Variants in SDF4 observed in about 807,000 individuals in gnomAD.
SDF4 encodes 45 kDa calcium-binding protein.
A neutral mutation model predicts 34.2 loss-of-function variants in SDF4; 22 were observed. The ratio of observed to expected loss-of-function variants is 0.64; its 90% confidence interval spans 0.46 to 0.92. The LOEUF (loss-of-function observed/expected upper bound fraction) is 0.92, where lower values mean the gene tolerates loss of function less well. SDF4 is among the 40% of genes least tolerant of loss of function. The pLI is 0.00. For missense variants in SDF4, 447 were observed against 499.9 expected (o/e 0.89, Z 1.01); for synonymous variants, 236 against 203.1 (o/e 1.16, Z -1.38).
Position 1,218,692 on chromosome 1 carries a change from C to A in SDF4, c.716-59G>T, listed in dbSNP as rs1379153613. On this transcript the variant is annotated intron_variant, in intron 5 of 6. Coordinates refer to ENST00000360001, the MANE Select transcript of SDF4 (RefSeq NM_016176.6). This position sits in a 1 kb window ranked among gnomAD's most constrained non-coding sequence, Gnocchi z 7.9. ...GCTGGGGCTCCCGCAGGACCTGCCC[C>A]GACCTCCCGACGATGCCCGGCCCCT... The A allele has an allele frequency of 6.2e-7, 1 of 1,611,490 alleles. No individual in the cohort carries two copies. The highest frequency in any genetic ancestry group is 2.2e-5 in the East Asian group (1 of 44,830).
chr1:1,229,487 C>G (rs1460235020), intron 1 of SDF4, among the ~76,000 whole-genome samples: 4 of 152,254 alleles, frequency 2.6e-5, no homozygotes, highest in Admixed American at 2.0e-4. Flanking sequence ...GCTGGGATTA[C>G]AGGCGTGAGC....
At chr1:1,219,294 C>T in intron 4 of SDF4, 4 of 1,179,636 alleles carry the variant, frequency 3.4e-6, no homozygotes, top group Middle Eastern at 3.9e-4. Context: ...GGACCCCCCA[C>T]ACAGCCCAGA....
chr1:1,219,958 G>A, intron 4 of SDF4: 10 of 985,708 alleles, frequency 1.0e-5, no homozygotes, highest in Non-Finnish European at 1.2e-5. Context: ...TTCACTTAAA[G>A]GAAGACAGGA....
rs1044626657 is a variant in SDF4 at position 1,218,972 on chromosome 1, G to A, written c.557-45C>T. 6.2e-7 allele frequency: 1 copy of A among 1,612,432 alleles called. No individual in the cohort carries two copies. The highest frequency in any genetic ancestry group is 1.3e-5 in the African/African-American group (1 of 74,906). ...TGGGTATCGAGGCCGACAGACGCCA[G>A]CACGCAAATCCAGAAAGTTCCGAGA... On this transcript the variant is annotated intron_variant, in intron 4 of 6. Coordinates refer to ENST00000360001, the MANE Select transcript of SDF4 (RefSeq NM_016176.6). The surrounding 1 kb of genome is among the most constrained non-coding windows in gnomAD (Gnocchi z 7.9).
At chr1:1,227,107 G>A (rs573256595) in intron 2 of SDF4, among the ~76,000 whole-genome samples, 107 of 152,242 alleles carry the variant, frequency 7.0e-4, no homozygotes, top group African/African-American at 2.4e-3. Context: ...CCTGTGCTCC[G>A]CCCGAAAGCC....
At chr1:1,221,857 G>A (rs1165021511) in intron 4 of SDF4, among the ~76,000 whole-genome samples, 4 of 152,186 alleles carry the variant, frequency 2.6e-5, no homozygotes, top group African/African-American at 7.2e-5. Flanking sequence ...TTCTGAGGTA[G>A]GAGGATCGCC....
intron 2 of SDF4, 125 bp from the exon 3 acceptor site, chr1:1,224,093 C>T: frequency 6.6e-7 from 1 of 1,507,160 alleles, no homozygotes; most frequent in Non-Finnish European, 8.9e-7. Context: ...CGACAGGCTC[C>T]ACCAGGCAAC....
At chr1:1,224,602 G>C (rs950638822) in intron 2 of SDF4, among the ~76,000 whole-genome samples, 4 of 152,118 alleles carry the variant, frequency 2.6e-5, no homozygotes, top group African/African-American at 9.7e-5. Flanking sequence ...CGATGCTTCA[G>C]GTATGGCTAC....
chr1:1,218,820 G>A lies in SDF4; in HGVS notation c.664C>T (p.His222Tyr). 6.2e-7 allele frequency: 1 copy of A among 1,606,004 alleles called. No homozygotes were observed. Among genetic ancestry groups the A allele is most frequent in the Non-Finnish European group, 8.5e-7 (1 of 1,174,462 alleles). ...ATGAACCTGAGCATTCCCCGGCTGTGCTCGGGGTGGAGGAACGACAGGAAC... is the reference window on the plus strand; with the variant it reads ...ATGAACCTGAGCATTCCCCGGCTGTACTCGGGGTGGAGGAACGACAGGAAC... Reference protein sequence around the residue: ...EEFLSFLHPEHSRGMLRFMVK... With the variant: ...EEFLSFLHPEYSRGMLRFMVK... The change falls in exon 5 of 7, where the codon CAC becomes TAC. Residue 222 changes from histidine to tyrosine, a missense_variant. Coordinates refer to ENST00000360001, the MANE Select transcript of SDF4 (RefSeq NM_016176.6). The surrounding 1 kb of genome is among the most constrained non-coding windows in gnomAD (Gnocchi z 7.9).
chr1:1,231,058 T>TA (rs1164044333), intron 1 of SDF4, among the ~76,000 whole-genome samples: 6 of 152,176 alleles, frequency 3.9e-5, no homozygotes, highest in Non-Finnish European at 8.8e-5. Flanking sequence ...TGCGTCTCTT[T>TA]AAAAAACAAA....
At position 1,218,885 on chromosome 1, in the gene SDF4, G is replaced by A. The variant is rs764412316; in HGVS notation, c.599C>T (p.Ala200Val). 5.0e-6 allele frequency: 8 copies of A among 1,598,364 alleles called. No individual in the cohort carries two copies. Among genetic ancestry groups the A allele is most frequent in the South Asian group, 1.1e-5 (1 of 89,684 alleles). Residue 200 changes from alanine to valine, a missense_variant, in exon 5 of 7, where the codon GCG becomes GTG. Ala to Val is a moderately conservative substitution (Grantham distance 64). Transcript: ENST00000360001. This position sits in a 1 kb window ranked among gnomAD's most constrained non-coding sequence, Gnocchi z 7.9. Reference sequence around the variant, plus strand: ...CAGCAGGTCTGCAGGGGGGCTGTCCGCCTGGTACCAGCGGTCCTTCAGGTT... The same window carrying A: ...CAGCAGGTCTGCAGGGGGGCTGTCCACCTGGTACCAGCGGTCCTTCAGGTT... ...LENLKDRWYQ[A>V]DSPPADLLLT...
At chr1:1,231,217 G>A (rs558476854) in intron 1 of SDF4, among the ~76,000 whole-genome samples, 1 of 152,230 alleles carries the variant, frequency 6.6e-6, no homozygotes, top group Non-Finnish European at 1.5e-5. Context: ...CAGCACAGCG[G>A]AGCGGGCCGG....
In SDF4 at chr1:1,218,162, T is replaced by C. The variant is rs1213700293; in HGVS notation, c.891+296A>G. Among the ~76,000 whole-genome samples the C allele has an allele frequency of 6.6e-6, 1 of 152,156 alleles. No homozygotes were observed. The highest frequency in any genetic ancestry group is 2.4e-5 in the African/African-American group (1 of 41,452). On this transcript the variant is annotated intron_variant, in intron 6 of 6. Coordinates refer to ENST00000360001, the MANE Select transcript of SDF4 (RefSeq NM_016176.6). The surrounding 1 kb of genome is among the most constrained non-coding windows in gnomAD (Gnocchi z 7.9). ...ACCTGCCTCCATGCTGGGCCCAGCA[T>C]GAGCTTCCCCTTGTGGTCCCGTTAA...
intron 2 of SDF4, among the ~76,000 whole-genome samples, chr1:1,224,417 T>C (rs1638231294): frequency 6.6e-6 from 1 of 152,148 alleles, no homozygotes; most frequent in African/African-American, 2.4e-5. Flanking sequence ...GTAGCTGGGA[T>C]TACAGGGGTG....
At chr1:1,227,681 C>T (rs1446854120) in intron 2 of SDF4, among the ~76,000 whole-genome samples, 2 of 152,210 alleles carry the variant, frequency 1.3e-5, no homozygotes, top group African/African-American at 4.8e-5. Context: ...TCCAGGGCCA[C>T]ACCGCAGGGC....
intron 4 of SDF4, among the ~76,000 whole-genome samples, chr1:1,221,614 G>C (rs927598528): frequency 2.0e-5 from 3 of 151,936 alleles, no homozygotes; most frequent in Non-Finnish European, 4.4e-5. Context: ...CTCCAGCCTG[G>C]GCAACAGTGA....
chr1:1,219,709 C>G, intron 4 of SDF4: 3 of 986,172 alleles, frequency 3.0e-6, no homozygotes, highest in Non-Finnish European at 3.6e-6. Flanking sequence ...GGACCCAAGC[C>G]ACCCTGGGTC....
At position 1,218,736 on chromosome 1, in the gene SDF4, C is replaced by T. The variant is rs754286811; in HGVS notation, c.715+33G>A. 1 of 1,612,076 alleles carries T rather than the reference C, an allele frequency of 6.2e-7. No homozygotes were observed. Among genetic ancestry groups the T allele is most frequent in the East Asian group, 2.2e-5 (1 of 44,802 alleles). Reference sequence around the variant, plus strand: ...GGCCCCTGCCAGTCGGTCCTGGGTCCTGGCGTGCCGGCCAGGCTGGACCCA... The same window carrying T: ...GGCCCCTGCCAGTCGGTCCTGGGTCTTGGCGTGCCGGCCAGGCTGGACCCA... On this transcript the variant is annotated intron_variant, in intron 5 of 6. Transcript: ENST00000360001. The surrounding 1 kb of genome is among the most constrained non-coding windows in gnomAD (Gnocchi z 7.9).
chr1:1,222,610 C>T (rs1414954717), intron 4 of SDF4, among the ~76,000 whole-genome samples: 1 of 152,290 alleles, frequency 6.6e-6, no homozygotes, highest in Admixed American at 6.5e-5. Context: ...CTCTGCCTCA[C>T]GTGGCCTTCA....
Sources: gnomAD v4.1 joint callset for allele counts (sites outside exome capture counted in the v4.1 genomes callset) on GRCh38, gnomAD v4.1.1 for gene constraint, Gnocchi (gnomAD v3.1) non-coding constraint, MANE v1.5 for transcripts, NCBI Gene and HGNC (gene_info 2026-07-23, HGNC 2026-07-21) for gene names.